Variants in RGPD2 observed in about 807,000 individuals in gnomAD.
RGPD2 encodes the protein RANBP2 like and GRIP domain containing 2.
A neutral mutation model predicts 36.0 loss-of-function variants in RGPD2; 2 were observed. That is an observed-to-expected ratio of 0.06 (90% CI 0.02 to 0.17). RGPD2 has a LOEUF of 0.17. RGPD2 is among the 10% of genes least tolerant of loss of function. The pLI, the probability that RGPD2 is intolerant of heterozygous loss-of-function variation, is 1.00. For missense variants in RGPD2, 40 were observed against 464.3 expected (o/e 0.09, Z 8.40); for synonymous variants, 19 against 163.8 (o/e 0.12, Z 6.75).
chr2:87,914,874 A>G, the RGPD2 span, among the ~76,000 whole-genome samples: 2 of 152,144 alleles, frequency 1.3e-5, no homozygotes, highest in South Asian at 2.1e-4. Context: ...ACAGTAGTTC[A>G]GTAAATGTGG....
chr2:87,854,997 C>T, the RGPD2 span, among the ~76,000 whole-genome samples: 6 of 150,710 alleles, frequency 4.0e-5, no homozygotes, highest in South Asian at 4.2e-4. Context: ...GTATGCTGTC[C>T]GTGTGTGTGT....
At chr2:87,977,923 C>T in the RGPD2 span, among the ~76,000 whole-genome samples, 1 of 151,490 alleles carries the variant, frequency 6.6e-6, no homozygotes, top group Non-Finnish European at 1.5e-5. Flanking sequence ...CAAGACCAGC[C>T]TGTCCAACAT....
chr2:87,951,728 A>G, the RGPD2 span, among the ~76,000 whole-genome samples: 1 of 146,070 alleles, frequency 6.8e-6, no homozygotes, highest in Non-Finnish European at 1.5e-5. Flanking sequence ...GGGATTACAG[A>G]TGTGTGCCAC....
chr2:87,964,604 G>T, the RGPD2 span, among the ~76,000 whole-genome samples: 8 of 151,958 alleles, frequency 5.3e-5, no homozygotes, highest in Non-Finnish European at 8.8e-5. Context: ...CACGATCTCA[G>T]CTCACTGCAA....
chr2:87,937,368 C>T, the RGPD2 span, among the ~76,000 whole-genome samples: 3 of 151,678 alleles, frequency 2.0e-5, no homozygotes, highest in African/African-American at 7.3e-5. Flanking sequence ...TTGCCTTGGC[C>T]ATAAAGACTA....
At chr2:87,945,769 G>GT in the RGPD2 span, among the ~76,000 whole-genome samples, 1 of 152,288 alleles carries the variant, frequency 6.6e-6, no homozygotes, top group South Asian at 2.1e-4. Flanking sequence ...CAGCACGGCG[G>GT]TTTTTTAATT....
the RGPD2 span, among the ~76,000 whole-genome samples, chr2:87,887,549 T>C: frequency 6.6e-6 from 1 of 151,308 alleles, no homozygotes; most frequent in East Asian, 1.9e-4. Context: ...ATAACTCTCA[T>C]TAGAAAGCAG....
chr2:87,886,444 C>T, the RGPD2 span, among the ~76,000 whole-genome samples: 5 of 151,590 alleles, frequency 3.3e-5, no homozygotes, highest in South Asian at 1.0e-3. Flanking sequence ...GTAATCTGCA[C>T]GAGTATGTTC....
the RGPD2 span, among the ~76,000 whole-genome samples, chr2:87,922,227 A>T: frequency 7.7e-6 from 1 of 130,326 alleles, no homozygotes; most frequent in South Asian, 2.7e-4. Context: ...CGGGAGGCGG[A>T]GGTTTCAGTG....
chr2:87,919,526 G>A, the RGPD2 span, among the ~76,000 whole-genome samples: 1 of 151,784 alleles, frequency 6.6e-6, no homozygotes, highest in East Asian at 1.9e-4. Flanking sequence ...AACAGCAGAG[G>A]TTGCAATACT....
At chr2:87,932,672 C>T in the RGPD2 span, among the ~76,000 whole-genome samples, 1,637 of 151,318 alleles carry the variant, frequency 0.011, 7 homozygotes, top group African/African-American at 0.037. Context: ...TCAGCATTTG[C>T]TTGCCTGAAA....
the RGPD2 span, among the ~76,000 whole-genome samples, chr2:87,986,655 G>A: frequency 1.3e-5 from 2 of 151,556 alleles, no homozygotes; most frequent in Admixed American, 1.3e-4. Flanking sequence ...CAAGGTGGGT[G>A]GATCACCTGA....
chr2:87,831,390 G>A, the RGPD2 span, among the ~76,000 whole-genome samples: 2 of 152,060 alleles, frequency 1.3e-5, no homozygotes, highest in Non-Finnish European at 2.9e-5. Flanking sequence ...TAGAGCAGAT[G>A]TAATATTTGA....
chr2:87,877,344 T>C, the RGPD2 span, among the ~76,000 whole-genome samples: 1 of 150,792 alleles, frequency 6.6e-6, no homozygotes, highest in African/African-American at 2.5e-5. Context: ...TTGGTAATGG[T>C]TTCCTTTTTC....
At chr2:87,916,946 A>G in the RGPD2 span, among the ~76,000 whole-genome samples, 2 of 152,138 alleles carry the variant, frequency 1.3e-5, no homozygotes, top group African/African-American at 4.8e-5. Context: ...AAAGTAAGGA[A>G]GATAGCCTGT....
At chr2:87,983,911 G>A in the RGPD2 span, among the ~76,000 whole-genome samples, 1 of 152,242 alleles carries the variant, frequency 6.6e-6, no homozygotes, top group Non-Finnish European at 1.5e-5. Flanking sequence ...CCAGGAAGGT[G>A]AGCAAGGGCT....
the RGPD2 span, among the ~76,000 whole-genome samples, chr2:87,985,542 G>A: frequency 8.5e-5 from 13 of 152,118 alleles, no homozygotes; most frequent in East Asian, 7.7e-4. Flanking sequence ...ATAATCACTA[G>A]TAAAATGTTA....
chr2:87,947,883 A>T, the RGPD2 span, among the ~76,000 whole-genome samples: 86 of 152,314 alleles, frequency 5.6e-4, no homozygotes, highest in African/African-American at 1.9e-3. Context: ...CCTGCCTTAA[A>T]GAGTTTAAAA....
the RGPD2 span, among the ~76,000 whole-genome samples, chr2:87,882,890 T>G: frequency 6.6e-6 from 1 of 151,956 alleles, no homozygotes; most frequent in South Asian, 2.1e-4. Context: ...GTGAGTTAAT[T>G]GTTAGTGTGT....
Sources: gnomAD v4.1 joint callset for allele counts (sites outside exome capture counted in the v4.1 genomes callset) on GRCh38, gnomAD v4.1.1 for gene constraint, MANE v1.5 for transcripts, NCBI Gene and HGNC (gene_info 2026-07-23, HGNC 2026-07-21) for gene names.